The following QTRT2 variants were observed in gnomAD, a reference collection of about 807,000 sequenced individuals.
QTRT2 encodes queuine tRNA-ribosyltransferase domain containing 1.
QTRT2 carries 32 observed loss-of-function variants against 44.8 expected under a neutral mutation model. That is an observed-to-expected ratio of 0.71 (90% CI 0.54 to 0.96). The LOEUF (loss-of-function observed/expected upper bound fraction) is 0.96, where lower values mean the gene tolerates loss of function less well. Ranked by LOEUF, QTRT2 falls within the 40% of genes least tolerant of loss-of-function variation. The pLI is 0.00. For missense variants in QTRT2, 461 were observed against 503.1 expected, an observed-to-expected ratio of 0.92 and a Z score of 0.80; for synonymous variants, 182 against 187.4, an observed-to-expected ratio of 0.97 and a Z score of 0.24.
At chr3:114,071,186 A>C (rs951021478) in intron 6 of QTRT2, among the ~76,000 whole-genome samples, 18 of 152,178 alleles carry the variant, frequency 1.2e-4, no homozygotes, top group African/African-American at 3.9e-4. Context: ...AATATCCCTC[A>C]AACTCAGAAG....
At chr3:114,080,189 C>T (rs2077149624) in intron 8 of QTRT2, 132 bp downstream of exon 8, 2 of 671,598 alleles carry the variant, frequency 3.0e-6, no homozygotes, top group African/African-American at 1.8e-5. Flanking sequence ...TGTTTCTTAT[C>T]TGTGTGCTCT....
intron 2 of QTRT2, among the ~76,000 whole-genome samples, chr3:114,061,835 C>G (rs2076890136): frequency 6.6e-6 from 1 of 152,148 alleles, no homozygotes; most frequent in African/African-American, 2.4e-5. Flanking sequence ...ACCTTGGCCT[C>G]CCAAACTGCT....
intron 9 of QTRT2, among the ~76,000 whole-genome samples, chr3:114,084,089 G>A (rs1330722882): frequency 1.3e-5 from 2 of 149,482 alleles, no homozygotes; most frequent in African/African-American, 5.0e-5. Flanking sequence ...GGGGGGCAGA[G>A]TGTAGCTCTG....
intron 2 of QTRT2, chr3:114,057,396 C>G (rs2076813411): frequency 6.6e-6 from 1 of 152,512 alleles, no homozygotes; most frequent in African/African-American, 2.4e-5. Flanking sequence ...ACCCTGTTTT[C>G]TCATGCAAAA....
At chr3:114,070,887 C>T in intron 6 of QTRT2, 49 bp downstream of exon 6, 2 of 1,483,988 alleles carry the variant, frequency 1.3e-6, no homozygotes, top group East Asian at 2.3e-5. Flanking sequence ...TCTTGCCTCC[C>T]TTACATTCTG....
intron 2 of QTRT2, among the ~76,000 whole-genome samples, chr3:114,063,463 T>C (rs1477426607): frequency 6.6e-6 from 1 of 152,180 alleles, no homozygotes; most frequent in Non-Finnish European, 1.5e-5. Flanking sequence ...TTTTAATGTG[T>C]AACAATAGGG....
chr3:114,070,841 A>G lies in QTRT2; in HGVS notation c.546+3A>G, dbSNP rs1160659841. The G allele has an allele frequency of 6.2e-7, 1 of 1,612,416 alleles. No individual in the cohort carries two copies. The highest frequency in any genetic ancestry group is 1.7e-5 in the Admixed American group (1 of 59,986). The stretch of plus-strand genomic sequence containing the variant: ...TGCGGCTGCAGGAAGAGTCAGAGGT[A>G]AGGCTGTGCCACTAACCACTCCTTT... On this transcript the variant is annotated splice_donor_region_variant and intron_variant, in intron 6 of 9. Transcript: ENST00000281273.
Position 114,057,029 on chromosome 3 carries a change from C to CAG in QTRT2, c.-97_-96dup. The CAG allele has an allele frequency of 1.4e-6, 2 of 1,408,566 alleles. No individual in the cohort carries two copies. Among genetic ancestry groups the CAG allele is most frequent in the Non-Finnish European group, 1.8e-6 (2 of 1,086,166 alleles). The allele number at this position is 1,408,566 out of a possible 1,614,324, so 87.3% of individuals were successfully genotyped here. On this transcript the variant is annotated 5_prime_UTR_variant, in exon 2 of 10. Transcript: ENST00000281273. ...CCTGGTGGATTGGTTTCTGTAAGTT[C>CAG]AGATTCTCATAAATCGTGTGAGCGT...
intron 2 of QTRT2, among the ~76,000 whole-genome samples, chr3:114,061,853 C>T (rs1386547012): frequency 2.0e-5 from 3 of 151,990 alleles, no homozygotes; most frequent in African/African-American, 7.2e-5. Flanking sequence ...GCTGGAATTA[C>T]AGGCGTGAGC....
intron 2 of QTRT2, 76 bp downstream of exon 2, chr3:114,057,182 CCTAGGG>C (rs2076807253): frequency 8.5e-6 from 6 of 703,580 alleles, no homozygotes; most frequent in African/African-American, 1.9e-5. Flanking sequence ...GAGCCAGGTG[CCTAGGG>C]AGGTCTGGGG....
At chr3:114,074,478 C>T (rs548954981) in intron 6 of QTRT2, among the ~76,000 whole-genome samples, 55 of 152,330 alleles carry the variant, frequency 3.6e-4, no homozygotes, top group African/African-American at 1.3e-3. Context: ...TCCACACTGC[C>T]ACTGCCTTAG....
At position 114,056,747 on chromosome 3, in the gene QTRT2, G is replaced by C; in HGVS notation, c.-247G>C. The stretch of plus-strand genomic sequence containing the variant: ...GCCCAGTGATGACGCAGTACTCCCT[G>C]ATTGGCTCTGCACTGGAGGCAGTGA... On this transcript the variant is annotated 5_prime_UTR_variant, in exon 1 of 10. Transcript: ENST00000281273. 7.1e-7 allele frequency: 1 copy of C among 1,417,706 alleles called. No homozygotes were observed. The highest frequency in any genetic ancestry group is 1.3e-5 in the South Asian group (1 of 76,116). 87.8% of individuals were successfully genotyped at this position (1,417,706 alleles called of 1,614,324 possible).
rs1215829329 is a variant in QTRT2, at chr3:114,061,647, G to A, written c.-21-3590G>A. ...GCTGGAGTGCCAGTGGCGTGATCAT[G>A]GCTCACTGCAGTCTCTGCCTCCCTG... is the stretch of plus-strand genomic sequence containing the variant. On this transcript the variant is annotated intron_variant, in intron 2 of 9. Transcript: ENST00000281273. Among the ~76,000 whole-genome samples, 7 of 152,108 alleles carry A rather than the reference G, an allele frequency of 4.6e-5. No individual in the cohort carries two copies. In the South Asian group the frequency reaches 1.2e-3, roughly 27 times the overall value.
At chr3:114,075,504 A>AT (rs34436490) in intron 6 of QTRT2, among the ~76,000 whole-genome samples, 3,865 of 118,664 alleles carry the variant, frequency 0.033, 191 homozygotes, top group African/African-American at 0.1. Context: ...AGTTTTACTG[A>AT]TTTTTTTTTT....
At chr3:114,083,118 T>C (rs13071100) in intron 9 of QTRT2, 72,104 of 281,534 alleles carry the variant, frequency 0.26, 10,060 homozygotes, top group Middle Eastern at 0.35. Flanking sequence ...AAGTTTTAAA[T>C]TGTAGGGTGC....
chr3:114,073,801 T>G (rs2077054889), intron 6 of QTRT2, among the ~76,000 whole-genome samples: 1 of 152,170 alleles, frequency 6.6e-6, no homozygotes, highest in African/African-American at 2.4e-5. Context: ...TATATGATCG[T>G]GCTTCTTACA....
At chr3:114,069,239 C>T (rs1389895495) in intron 5 of QTRT2, among the ~76,000 whole-genome samples, 8 of 151,334 alleles carry the variant, frequency 5.3e-5, no homozygotes, top group African/African-American at 1.5e-4. Context: ...ATTTTTTTTT[C>T]CCTTTTTTTA....
intron 6 of QTRT2, among the ~76,000 whole-genome samples, chr3:114,072,487 T>C (rs2077037182): frequency 6.6e-6 from 1 of 152,218 alleles, no homozygotes; most frequent in Non-Finnish European, 1.5e-5. Flanking sequence ...TGCTACCCCT[T>C]TAATTAGTAT....
intron 4 of QTRT2, among the ~76,000 whole-genome samples, chr3:114,067,208 C>A (rs1193378145): frequency 6.6e-6 from 1 of 152,042 alleles, no homozygotes; most frequent in Non-Finnish European, 1.5e-5. Flanking sequence ...TTTTAATAAC[C>A]AGCTTTAAAG....
Sources: allele counts gnomAD v4.1 joint callset (sites outside exome capture counted in the v4.1 genomes callset), GRCh38; gene constraint gnomAD v4.1.1; transcripts MANE v1.5; gene names NCBI Gene and HGNC (gene_info 2026-07-23, HGNC 2026-07-21).